Variants in SUSD1 observed in about 807,000 individuals in gnomAD.
SUSD1 encodes sushi domain containing 1, also known as sushi domain-containing protein 1.
A neutral mutation model predicts 86.9 loss-of-function variants in SUSD1; 65 were observed. The observed-to-expected ratio is 0.75, with a 90% CI of 0.61 to 0.92. SUSD1 has a LOEUF of 0.92. Among genes scored for constraint, SUSD1 ranks in the 40% least tolerant of loss-of-function variants. The pLI is 0.00. For synonymous variants in SUSD1, 346 were observed against 350.0 expected, an observed-to-expected ratio of 0.99 and a Z score of 0.13; for missense variants, 850 against 929.7, an observed-to-expected ratio of 0.91 and a Z score of 1.11.
intron 10 of SUSD1, among the ~76,000 whole-genome samples, chr9:112,081,498 C>G (rs1165551080): frequency 3.9e-5 from 6 of 152,328 alleles, no homozygotes; most frequent in African/African-American, 1.2e-4. Context: ...AGACCCACAG[C>G]TGGGTAGAGA....
chr9:112,041,991 A>G lies in SUSD1; in HGVS notation c.2150-31T>C, dbSNP rs199754801. The G allele has an allele frequency of 6.2e-6, 10 of 1,609,890 alleles. No individual in the cohort carries two copies. The African/African-American group carries it at 1.3e-4, about 22-fold the overall frequency. On this transcript the variant is annotated intron_variant, in intron 15 of 16. Coordinates refer to ENST00000374270, the MANE Select transcript of SUSD1 (RefSeq NM_022486.5). ...GGACAAAACCACAGGCTTAGCCCAG[A>G]GTGCACGGCATCACCACCTCCCAGG...
intron 5 of SUSD1, among the ~76,000 whole-genome samples, chr9:112,130,602 AAAGGAAAGG>A (rs1409073503): frequency 1.5e-5 from 2 of 130,212 alleles, no homozygotes; most frequent in African/African-American, 8.1e-5. Context: ...GAAAGGAAGG[AAAGGAAAGG>A]AAGGAAAGGA....
At position 112,166,043 on chromosome 9, in the gene SUSD1, T is replaced by C. The variant is rs148099132; in HGVS notation, c.104-8430A>G. Reference sequence around the variant, plus strand: ...CGCAAAGACAGTAGCTGGCATGCAGTAGAATTTGGCTCAATACATGTTTGT... The same window carrying C: ...CGCAAAGACAGTAGCTGGCATGCAGCAGAATTTGGCTCAATACATGTTTGT... On this transcript the variant is annotated intron_variant, in intron 1 of 16. Coordinates refer to ENST00000374270, the MANE Select transcript of SUSD1 (RefSeq NM_022486.5). 5.6e-4 allele frequency among the ~76,000 whole-genome samples: 85 copies of C among 152,170 alleles called. No homozygotes were observed. The East Asian group carries it at 0.015, about 27-fold the overall frequency.
At position 112,123,561 on chromosome 9, in the gene SUSD1, A is replaced by T. The variant is rs550226258; in HGVS notation, c.886+696T>A. Among the ~76,000 whole-genome samples, 3 of 152,318 alleles carry T rather than the reference A, an allele frequency of 2.0e-5. No individual in the cohort carries two copies. The South Asian group carries it at 6.2e-4, about 32-fold the overall frequency. On this transcript the variant is annotated intron_variant, in intron 6 of 16. Transcript: ENST00000374270. The stretch of plus-strand genomic sequence containing the variant: ...ACACCTGTAATCCCAGCACTTTAGG[A>T]GGCCTAGGCAGGCAGATCACTTGAG...
intron 14 of SUSD1, among the ~76,000 whole-genome samples, chr9:112,054,021 T>C (rs771997672): frequency 3.3e-5 from 5 of 152,210 alleles, no homozygotes; most frequent in Admixed American, 6.5e-5. Context: ...ACAAGAACTA[T>C]TTACAGGTTT....
At chr9:112,070,439 T>C (rs1011093229) in intron 12 of SUSD1, among the ~76,000 whole-genome samples, 2 of 152,226 alleles carry the variant, frequency 1.3e-5, no homozygotes, top group Non-Finnish European at 2.9e-5. Context: ...GTGCTCTTCC[T>C]TGTCTCCCAA....
In SUSD1 at chr9:112,131,859, T is replaced by C. The variant is rs139270317; in HGVS notation, c.707-7423A>G. Reference sequence around the variant, plus strand: ...ACAGTCAACTAATTATGAGCATGGCTGGGAATTTTCCCTTACTTTCCCATT... The same window carrying C: ...ACAGTCAACTAATTATGAGCATGGCCGGGAATTTTCCCTTACTTTCCCATT... On this transcript the variant is annotated intron_variant, in intron 5 of 16. Coordinates refer to ENST00000374270, the MANE Select transcript of SUSD1 (RefSeq NM_022486.5). Among the ~76,000 whole-genome samples, 1,459 of 152,374 alleles carry C rather than the reference T, an allele frequency of 9.6e-3. 25 individuals are homozygous for C. Among genetic ancestry groups the C allele is most frequent in the African/African-American group, 0.034 (1,409 of 41,584 alleles).
Position 112,126,134 on chromosome 9 carries a change from T to C in SUSD1, c.707-1698A>G, listed in dbSNP as rs375687058. Among the ~76,000 whole-genome samples, 29 of 152,376 alleles carry C rather than the reference T, an allele frequency of 1.9e-4. No homozygotes were observed. The East Asian group carries it at 5.4e-3, about 28-fold the overall frequency. ...CAACCAACCAAAGAGATGGTTAATG[T>C]TTCATAAGACTGCCTAGTCACATTG... On this transcript the variant is annotated intron_variant, in intron 5 of 16. Coordinates refer to ENST00000374270, the MANE Select transcript of SUSD1 (RefSeq NM_022486.5).
At chr9:112,077,489 T>G (rs1417515896) in intron 12 of SUSD1, among the ~76,000 whole-genome samples, 1 of 147,130 alleles carries the variant, frequency 6.8e-6, no homozygotes, top group African/African-American at 2.5e-5. Flanking sequence ...TGTCCCCTGA[T>G]AGTAATCTAC....
intron 13 of SUSD1, among the ~76,000 whole-genome samples, chr9:112,062,269 T>G (rs947218395): frequency 6.6e-6 from 1 of 152,232 alleles, no homozygotes; most frequent in Admixed American, 6.5e-5. Context: ...AAGGATGTAC[T>G]ATGAGACATG....
intron 10 of SUSD1, among the ~76,000 whole-genome samples, chr9:112,093,764 G>A (rs769324304): frequency 2.0e-5 from 3 of 152,144 alleles, no homozygotes; most frequent in Non-Finnish European, 4.4e-5. Context: ...CTGCCACAGC[G>A]GAGCAAGGCA....
In SUSD1 at chr9:112,058,153, T is replaced by C. The variant is rs79151945; in HGVS notation, c.2109+275A>G. Among the ~76,000 whole-genome samples the C allele has an allele frequency of 1.8e-4, 28 of 152,124 alleles. 1 individual carries two copies. The East Asian group carries it at 5.4e-3, about 29-fold the overall frequency. On this transcript the variant is annotated intron_variant, in intron 14 of 16. Coordinates refer to ENST00000374270, the MANE Select transcript of SUSD1 (RefSeq NM_022486.5). Reference sequence around the variant, plus strand: ...TTCTTTCCAACTTAGACTTCAGCAGTGCAATAGAATGAGGGCATCTGTAAA... The same window carrying C: ...TTCTTTCCAACTTAGACTTCAGCAGCGCAATAGAATGAGGGCATCTGTAAA...
chr9:112,145,112 C>CA (rs1482660547), intron 3 of SUSD1, among the ~76,000 whole-genome samples: 1 of 152,028 alleles, frequency 6.6e-6, no homozygotes, highest in African/African-American at 2.4e-5. Flanking sequence ...ATCAGAGCCA[C>CA]ATAGTTCAAT....
At chr9:112,157,789 T>A (rs192274073) in intron 1 of SUSD1, among the ~76,000 whole-genome samples, 176 bp from the exon 2 acceptor site, 224 of 151,878 alleles carry the variant, frequency 1.5e-3, no homozygotes, top group African/African-American at 5.3e-3. Context: ...AAAGTGCAAA[T>A]CTCTTCCTCT....
chr9:112,076,632 G>T (rs982922230), intron 12 of SUSD1, among the ~76,000 whole-genome samples: 3 of 152,160 alleles, frequency 2.0e-5, no homozygotes, highest in African/African-American at 7.2e-5. Context: ...GAGAGGCTGG[G>T]ACTAGAAATT....
intron 8 of SUSD1, among the ~76,000 whole-genome samples, chr9:112,108,350 G>A (rs182766481): frequency 1.1e-4 from 16 of 152,182 alleles, no homozygotes; most frequent in Non-Finnish European, 1.6e-4. Flanking sequence ...AAACAGAAAC[G>A]AATGAAAATA....
intron 4 of SUSD1, among the ~76,000 whole-genome samples, chr9:112,142,961 CTTTTTTTTTTTTTTTTTT>C (rs529470594): frequency 8.3e-4 from 25 of 30,216 alleles, no homozygotes; most frequent in East Asian, 7.0e-3. Context: ...TGAATTTTAG[CTTTTTTTTTTTTTTTTTT>C]TTTTTTTTTT....
chr9:112,165,175 G>C (rs1833728459), intron 1 of SUSD1, among the ~76,000 whole-genome samples: 1 of 152,108 alleles, frequency 6.6e-6, no homozygotes, highest in Non-Finnish European at 1.5e-5. Context: ...TTTAACTTTT[G>C]TGAGTACATA....
intron 5 of SUSD1, among the ~76,000 whole-genome samples, chr9:112,131,707 AC>A (rs1200631294): frequency 6.6e-6 from 1 of 152,170 alleles, no homozygotes; most frequent in East Asian, 1.9e-4. Flanking sequence ...AGCAGTTCAT[AC>A]CCCCAAGGAA....
Sources: allele counts gnomAD v4.1 joint callset (sites outside exome capture counted in the v4.1 genomes callset), GRCh38; gene constraint gnomAD v4.1.1; transcripts MANE v1.5; gene names NCBI Gene and HGNC (gene_info 2026-07-23, HGNC 2026-07-21).